The following OTUD7B variants were observed in gnomAD, a reference collection of about 807,000 sequenced individuals.
OTUD7B encodes the protein OTU domain-containing protein 7B.
In OTUD7B, 34 loss-of-function variants were observed where a neutral mutation model predicts 82.2. That is an observed-to-expected ratio of 0.41 (90% confidence interval 0.31 to 0.55). The LOEUF is 0.55. Ranked by LOEUF, OTUD7B falls within the 20% of genes least tolerant of loss-of-function variation. The pLI is 0.20. For synonymous variants in OTUD7B, 398 were observed against 402.7 expected (o/e 0.99, Z 0.14); for missense variants, 944 against 1,062.1 (o/e 0.89, Z 1.55).
At chr1:149,956,420 GCTTCC>G (rs201714244) in intron 7 of OTUD7B, among the ~76,000 whole-genome samples, 2,900 of 152,256 alleles carry the variant, frequency 0.019, 74 homozygotes, top group African/African-American at 0.063. Context: ...AGTCTGATGG[GCTTCC>G]CTTTGTGGGT....
At position 149,941,003 on chromosome 1, in the gene OTUD7B, C is replaced by A. The variant is rs1374817726; in HGVS notation, c.*2854G>T. ...TTTTCAATGCCTCAATAAATAGTTA[C>A]CCTCCCAAATAAAAAAAATAATTTA... On this transcript the variant is annotated 3_prime_UTR_variant, in exon 12 of 12. Coordinates refer to ENST00000581312, the MANE Select transcript of OTUD7B (RefSeq NM_020205.4). 3 of 151,850 alleles carry A rather than the reference C, an allele frequency of 2.0e-5. No individual in the cohort carries two copies. The highest frequency in any genetic ancestry group is 2.9e-5 in the Non-Finnish European group (2 of 67,984). 9.4% of individuals were successfully genotyped at this position (151,850 alleles called of 1,614,324 possible). A position where few individuals can be genotyped will look rare whatever the true frequency, so the allele number is the denominator to read the frequency against.
intron 1 of OTUD7B, among the ~76,000 whole-genome samples, chr1:149,994,597 A>AC (rs1388322003): frequency 6.9e-6 from 1 of 144,060 alleles, no homozygotes; most frequent in South Asian, 2.4e-4. Flanking sequence ...AAAAAAAAAA[A>AC]AAAAAAAAAC....
upstream of OTUD7B, among the ~76,000 whole-genome samples, chr1:150,015,031 T>A (rs1444067472): frequency 1.3e-5 from 2 of 152,224 alleles, no homozygotes; most frequent in Admixed American, 1.3e-4. Flanking sequence ...TGACACTCCA[T>A]TAGCTAAGTT....
chr1:150,027,290 A>T, the OTUD7B span, among the ~76,000 whole-genome samples: 2 of 152,278 alleles, frequency 1.3e-5, no homozygotes, highest in African/African-American at 4.8e-5. Flanking sequence ...ACCATGCAGA[A>T]ATATAAAAGG....
chr1:149,964,127 A>T, intron 6 of OTUD7B, 95 bp downstream of exon 6: 1 of 1,440,876 alleles, frequency 6.9e-7, no homozygotes, highest in Non-Finnish European at 9.6e-7. Context: ...ACACTGACCT[A>T]AACACTTGGA....
At chr1:150,065,857 T>TTTTTTTTTTTTTTTTTTTTTGAGA in the OTUD7B span, among the ~76,000 whole-genome samples, 1 of 152,196 alleles carries the variant, frequency 6.6e-6, no homozygotes, top group African/African-American at 2.4e-5. Context: ...ATGTTTATGT[T>TTTTTTTTTTTTTTTTTTTTTGAGA]CCATATCTTA....
rs1652984634 is a variant in OTUD7B at position 150,010,673 on chromosome 1, G to GCCCACTCCGCACCCGGTC, written c.-310_-293dup. On this transcript the variant is annotated 5_prime_UTR_variant, in exon 1 of 12. Coordinates refer to ENST00000581312, the MANE Select transcript of OTUD7B (RefSeq NM_020205.4). Reference sequence around the variant, plus strand: ...GACTGGCCTCCCCCAGTGGCTTTTTGCCCACTCCGCACCCGGTCGCCACTC... The same window carrying GCCCACTCCGCACCCGGTC: ...GACTGGCCTCCCCCAGTGGCTTTTTGCCCACTCCGCACCCGGTCCCCACTCCGCACCCGGTCGCCACTC... The GCCCACTCCGCACCCGGTC allele has an allele frequency of 6.6e-6, 1 of 152,630 alleles. No individual in the cohort carries two copies. The highest frequency in any genetic ancestry group is 2.1e-4 in the South Asian group (1 of 4,812). 9.5% of individuals were successfully genotyped at this position (152,630 alleles called of 1,614,324 possible). A position where few individuals can be genotyped will look rare whatever the true frequency, so the allele number is the denominator to read the frequency against.
At chr1:150,047,778 C>G in the OTUD7B span, 1 of 152,034 alleles carries the variant, frequency 6.6e-6, no homozygotes, top group African/African-American at 2.4e-5. Flanking sequence ...ATGGTGAAAC[C>G]ACATCTCTAC....
chr1:150,052,780 T>C, the OTUD7B span, among the ~76,000 whole-genome samples: 1 of 149,026 alleles, frequency 6.7e-6, no homozygotes, highest in Admixed American at 6.8e-5. Flanking sequence ...CAAAACAGCA[T>C]GGTACTGGTA....
At chr1:150,013,947 T>TATATATAC (rs782181773), upstream of OTUD7B, among the ~76,000 whole-genome samples, 170 of 104,366 alleles carry the variant, frequency 1.6e-3, no homozygotes, top group South Asian at 2.3e-3. Flanking sequence ...AATATATATA[T>TATATATAC]ACACACACAC....
At position 149,976,633 on chromosome 1, in the gene OTUD7B, A is replaced by AAAAAAAAAT. The variant is rs1176193849; in HGVS notation, c.85+792_85+793insATTTTTTTT. Among the ~76,000 whole-genome samples, 16 of 102,638 alleles carry AAAAAAAAAT rather than the reference A, an allele frequency of 1.6e-4. 1 individual carries two copies. Among genetic ancestry groups the AAAAAAAAAT allele is most frequent in the African/African-American group, 1.9e-4 (5 of 26,144 alleles). 67.3% of individuals were successfully genotyped at this position (102,638 alleles called of 152,430 possible). On this transcript the variant is annotated intron_variant, in intron 2 of 11. Transcript: ENST00000581312. ...TCTACAAAAAAAAAAAAAAAAAAAT[A>AAAAAAAAAT]CTAGAACATTCAAACTTATGTGTAT...
At chr1:149,988,076 G>T (rs1321717373) in intron 1 of OTUD7B, among the ~76,000 whole-genome samples, 1 of 151,532 alleles carries the variant, frequency 6.6e-6, no homozygotes, top group Non-Finnish European at 1.5e-5. Flanking sequence ...CTATTTTTTT[G>T]ATTATTGGAA....
At chr1:150,011,955 A>G (rs587619248), upstream of OTUD7B, among the ~76,000 whole-genome samples, 4 of 152,342 alleles carry the variant, frequency 2.6e-5, no homozygotes, top group East Asian at 1.9e-4. Context: ...CTAGACAGCT[A>G]TATCTCTTAG....
chr1:150,065,849 G>GTTTTTTTTTTTTTT, the OTUD7B span, among the ~76,000 whole-genome samples: 6 of 151,624 alleles, frequency 4.0e-5, no homozygotes, highest in African/African-American at 1.2e-4. Context: ...TGTTCAAAAT[G>GTTTTTTTTTTTTTT]TTTATGTTCC....
chr1:150,017,910 T>C, the OTUD7B span, among the ~76,000 whole-genome samples: 1 of 152,178 alleles, frequency 6.6e-6, no homozygotes, highest in Non-Finnish European at 1.5e-5. Flanking sequence ...TGGGGTTCAG[T>C]GACTATATCT....
chr1:149,988,339 G>C (rs1258996708), intron 1 of OTUD7B, among the ~76,000 whole-genome samples: 1 of 152,174 alleles, frequency 6.6e-6, no homozygotes, highest in Non-Finnish European at 1.5e-5. Flanking sequence ...TAGTATGTGT[G>C]TGTGTCAGAA....
rs587690807 is a variant in OTUD7B, at chr1:149,943,875, G to C, written c.2514C>G (p.Leu838=). The change falls in exon 12 of 12, where the codon CTC becomes CTG. Residue 838 remains leucine, a synonymous_variant. Coordinates refer to ENST00000581312, the MANE Select transcript of OTUD7B (RefSeq NM_020205.4). ...RRREREPDGE[L]LVHRF ...CACCCGTTCAGAACCTGTGCACCAG[G>C]AGCTCCCCATCCGGTTCCCGCTCCC... The C allele has an allele frequency of 6.2e-7, 1 of 1,614,146 alleles. No individual in the cohort carries two copies. The highest frequency in any genetic ancestry group is 1.1e-5 in the South Asian group (1 of 91,082).
the OTUD7B span, among the ~76,000 whole-genome samples, chr1:150,050,283 A>G: frequency 6.6e-6 from 1 of 152,208 alleles, no homozygotes; most frequent in Non-Finnish European, 1.5e-5. Context: ...GAAATCAAGT[A>G]AAAATAAATA....
At position 149,947,874 on chromosome 1, in the gene OTUD7B, A is replaced by T. The variant is rs1302107263; in HGVS notation, c.1239-539T>A. ...GCAGGAGGCAGAAGGAAGGCTTAAC[A>T]AGCCACAGGGAGGTAGAGTGGGGGC... On this transcript the variant is annotated intron_variant, in intron 10 of 11. Transcript: ENST00000581312. 2.6e-5 allele frequency among the ~76,000 whole-genome samples: 4 copies of T among 152,172 alleles called. No individual in the cohort carries two copies. In the East Asian group the frequency reaches 7.7e-4, roughly 29 times the overall value.
Sources: allele counts gnomAD v4.1 joint callset (sites outside exome capture counted in the v4.1 genomes callset), GRCh38; gene constraint gnomAD v4.1.1; transcripts MANE v1.5; gene names NCBI Gene and HGNC (gene_info 2026-07-23, HGNC 2026-07-21).